PRKDC: variants seen among roughly 807,000 people sequenced by gnomAD.
The protein encoded by PRKDC is DNA-dependent protein kinase catalytic subunit.
PRKDC carries 82 observed loss-of-function variants against 486.9 expected under a neutral mutation model. That is an observed-to-expected ratio of 0.17 (90% CI 0.14 to 0.20). PRKDC has a LOEUF of 0.20. Among genes scored for constraint, PRKDC ranks in the 10% least tolerant of loss-of-function variants. PRKDC has a pLI of 1.00. For synonymous variants in PRKDC, 1,895 were observed against 1,837.0 expected (o/e 1.03, Z -0.81); for missense variants, 4,504 against 5,038.2 (o/e 0.89, Z 3.21).
chr8:47,839,377 C>A (rs2088094284), intron 55 of PRKDC, 131 bp from the exon 56 acceptor site: 1 of 680,934 alleles, frequency 1.5e-6, no homozygotes, highest in Non-Finnish European at 2.6e-6. Context: ...ATCTCCAAAT[C>A]ACAGCTTGCC....
chr8:47,879,442 G>GAA (rs375696846), intron 39 of PRKDC, 49 bp downstream of exon 39: 102 of 1,292,348 alleles, frequency 7.9e-5, no homozygotes, highest in South Asian at 3.9e-4. Context: ...TATGTAACAA[G>GAA]AAAAAAAAAA....
chr8:47,871,608 GTTTTT>G (rs1243964430), intron 40 of PRKDC, among the ~76,000 whole-genome samples: 1 of 151,992 alleles, frequency 6.6e-6, no homozygotes, highest in Non-Finnish European at 1.5e-5. Flanking sequence ...TGTTGTTTTT[GTTTTT>G]TTAAGATGGA....
At chr8:47,872,520 AAT>A (rs1369271162) in intron 40 of PRKDC, among the ~76,000 whole-genome samples, 2 of 151,736 alleles carry the variant, frequency 1.3e-5, no homozygotes, top group African/African-American at 4.8e-5. Context: ...AAAAAAAAAA[AAT>A]GATCTGTTGC....
chr8:47,814,274 G>C (rs1300711634), intron 68 of PRKDC, among the ~76,000 whole-genome samples: 3 of 152,172 alleles, frequency 2.0e-5, no homozygotes, highest in African/African-American at 7.2e-5. Flanking sequence ...TTAAAGCTGA[G>C]TGAGTGAACT....
chr8:47,816,271 G>C (rs1315229785), intron 68 of PRKDC, among the ~76,000 whole-genome samples: 1 of 152,040 alleles, frequency 6.6e-6, no homozygotes, highest in African/African-American at 2.4e-5. Context: ...TGATTTGCTA[G>C]CCTGAGAAGT....
At position 47,902,644 on chromosome 8, in the gene PRKDC, C is replaced by T; in HGVS notation, c.3194G>A (p.Ser1065Asn). 1.2e-6 allele frequency: 2 copies of T among 1,613,746 alleles called. No homozygotes were observed. The highest frequency in any genetic ancestry group is 1.7e-5 in the Admixed American group (1 of 59,990). Reference sequence around the variant, plus strand: ...GAAAGCATTGGGGTGAAGCGCAAGGCTATAAAGTCGCTTGAAAAGCGATTT... The same window carrying T: ...GAAAGCATTGGGGTGAAGCGCAAGGTTATAAAGTCGCTTGAAAAGCGATTT... ...NTKSLFKRLY[S>N]LALHPNAFKR... The change falls in exon 27 of 86, where the codon AGC becomes AAC. Residue 1065 changes from serine to asparagine, a missense_variant. Ser to Asn is a conservative substitution (Grantham distance 46). Coordinates refer to ENST00000314191, the MANE Select transcript of PRKDC (RefSeq NM_006904.7).
At chr8:47,909,831 T>G (rs1395818408) in intron 25 of PRKDC, among the ~76,000 whole-genome samples, 1 of 152,126 alleles carries the variant, frequency 6.6e-6, no homozygotes, top group Non-Finnish European at 1.5e-5. Context: ...ATTGGGAAAT[T>G]CCAGCCTGGT....
chr8:47,862,555 C>A lies in PRKDC; in HGVS notation c.5751-14G>T. ...TCGTAGCACAATCTGCAGAGAGATC[C>A]ATGTGACAAATCAATTCACACAACA... On this transcript the variant is annotated splice_polypyrimidine_tract_variant and intron_variant, in intron 42 of 85. Transcript: ENST00000314191. 6.3e-7 allele frequency: 1 copy of A among 1,584,620 alleles called. No homozygotes were observed. Among genetic ancestry groups the A allele is most frequent in the Non-Finnish European group, 8.6e-7 (1 of 1,161,654 alleles).
Position 47,935,740 on chromosome 8 carries a change from C to T in PRKDC, c.1439G>A (p.Ser480Asn). 1 of 1,613,774 alleles carries T rather than the reference C, an allele frequency of 6.2e-7. No homozygotes were observed. Among genetic ancestry groups the T allele is most frequent in the Non-Finnish European group, 8.5e-7 (1 of 1,179,804 alleles). ...ATAAATTGCAAACTTACCCACAGTA[C>T]TAATGCAATTCCTGAGAACTGGCCC... ...AKGPVLRNCI[S>N]TVVHQGLIRI... is the part of the protein sequence containing the mutation. Residue 480 changes from serine to asparagine, a missense_variant, in exon 13 of 86, where the codon AGT (serine) becomes AAT (asparagine). Ser to Asn is a conservative substitution (Grantham distance 46, BLOSUM62 1). Transcript: ENST00000314191.
At chr8:47,913,082 G>A (rs1027298396) in intron 24 of PRKDC, among the ~76,000 whole-genome samples, 2 of 152,194 alleles carry the variant, frequency 1.3e-5, no homozygotes, top group African/African-American at 4.8e-5. Context: ...GCATTTTAAA[G>A]TATGTATATA....
intron 25 of PRKDC, among the ~76,000 whole-genome samples, chr8:47,907,723 C>T (rs2089817611): frequency 6.6e-6 from 1 of 151,786 alleles, no homozygotes; most frequent in Non-Finnish European, 1.5e-5. Flanking sequence ...TTAGTAGCAA[C>T]AGGGTTTCAC....
intron 22 of PRKDC, among the ~76,000 whole-genome samples, chr8:47,917,374 AT>A (rs1200716725): frequency 6.6e-6 from 1 of 152,206 alleles, no homozygotes; most frequent in East Asian, 1.9e-4. Flanking sequence ...TTCTAGTTTC[AT>A]TCTAGTCTCT....
intron 54 of PRKDC, among the ~76,000 whole-genome samples, chr8:47,841,547 G>A (rs918451447): frequency 2.0e-5 from 3 of 152,188 alleles, no homozygotes; most frequent in Admixed American, 1.3e-4. Flanking sequence ...TTGATTCCAA[G>A]GGGACAGAGG....
intron 13 of PRKDC, among the ~76,000 whole-genome samples, chr8:47,935,472 C>T (rs1220819697): frequency 6.6e-6 from 1 of 151,682 alleles, no homozygotes; most frequent in Non-Finnish European, 1.5e-5. Context: ...TGCACTCCAG[C>T]CTGGGGGACA....
intron 54 of PRKDC, among the ~76,000 whole-genome samples, chr8:47,848,847 A>G (rs1320313866): frequency 6.6e-6 from 1 of 152,188 alleles, no homozygotes; most frequent in African/African-American, 2.4e-5. Flanking sequence ...TAGGTACAGA[A>G]CTCAAAAGCA....
Position 47,826,551 on chromosome 8 carries a change from C to T in PRKDC, c.8783+105G>A, listed in dbSNP as rs938452443. The T allele has an allele frequency of 4.4e-6, 5 of 1,147,818 alleles. No individual in the cohort carries two copies. The African/African-American group carries it at 7.8e-5, about 18-fold the overall frequency. The allele number at this position is 1,147,818 out of a possible 1,614,324, so 71.1% of individuals were successfully genotyped here. A position where few individuals can be genotyped will look rare whatever the true frequency, so the allele number is the denominator to read the frequency against. On this transcript the variant is annotated intron_variant, in intron 63 of 85. Coordinates refer to ENST00000314191, the MANE Select transcript of PRKDC (RefSeq NM_006904.7). The stretch of plus-strand genomic sequence containing the variant: ...TCTTTTAAATTTCACATTAGTGTTA[C>T]TATCAACTTTATTAGCTCATTTTCT...
At chr8:47,851,798 G>A (rs543412174) in intron 52 of PRKDC, among the ~76,000 whole-genome samples, 2 of 152,156 alleles carry the variant, frequency 1.3e-5, no homozygotes, top group Non-Finnish European at 2.9e-5. Flanking sequence ...GGAGGAGGAC[G>A]GGAGCCAAGA....
rs2089322044 is a variant in PRKDC at position 47,886,067 on chromosome 8, G to C, written c.4653C>G (p.Ile1551Met). The C allele has an allele frequency of 1.2e-6, 2 of 1,613,722 alleles. No individual in the cohort carries two copies. Among genetic ancestry groups the C allele is most frequent in the African/African-American group, 2.7e-5 (2 of 75,052 alleles). The change falls in exon 36 of 86, where the codon ATC (isoleucine) becomes ATG (methionine). Residue 1551 changes from isoleucine (I) to methionine (M), a missense_variant. By Grantham distance (10) the Ile-to-Met change is conservative (BLOSUM62 1). This residue lies in a region of PRKDC where 1,969 missense variants were observed against 2,068.9 expected (regional missense o/e 0.95). Coordinates refer to ENST00000314191, the MANE Select transcript of PRKDC (RefSeq NM_006904.7). ...AGAAATACTCCCCATGGGAGAAGTG[G>C]ATGACGCTGCCCTGTGAGCTGCCCA... Reference protein sequence around the residue: ...ASLGSSQGSVIHFSHGEYFYS... With the variant: ...ASLGSSQGSVMHFSHGEYFYS...
At chr8:47,785,825 A>AT (rs1554624651) in intron 76 of PRKDC, among the ~76,000 whole-genome samples, 1 of 151,678 alleles carries the variant, frequency 6.6e-6, no homozygotes, top group Non-Finnish European at 1.5e-5. Flanking sequence ...GTGTTCCATT[A>AT]TAAGTGACAC....
Sources: gnomAD v4.1 joint callset for allele counts (sites outside exome capture counted in the v4.1 genomes callset) on GRCh38, gnomAD v4.1.1 for gene constraint, gnomAD v4.1.1 regional missense constraint, MANE v1.5 for transcripts, NCBI Gene and HGNC (gene_info 2026-07-23, HGNC 2026-07-21) for gene names.